DOCK3: variants seen among roughly 807,000 people sequenced by gnomAD.
The protein encoded by DOCK3 is dedicator of cytokinesis protein 3.
DOCK3 carries 60 observed loss-of-function variants against 265.6 expected under a neutral mutation model. The observed-to-expected ratio is 0.23, with a 90% CI of 0.18 to 0.28. The LOEUF (loss-of-function observed/expected upper bound fraction) is 0.28, where lower values mean the gene tolerates loss of function less well. Ranked by LOEUF, DOCK3 falls within the 10% of genes least tolerant of loss-of-function variation. The probability of loss-of-function intolerance (pLI) is 1.00; values close to 1 mark genes in which losing one functional copy is unlikely to be tolerated. For synonymous variants in DOCK3, 881 were observed against 938.0 expected (o/e 0.94, Z 1.11); for missense variants, 1,981 against 2,594.3 (o/e 0.76, Z 5.14).
chr3:50,878,390 TA>T (rs1203476542), intron 3 of DOCK3, among the ~76,000 whole-genome samples: 1 of 152,154 alleles, frequency 6.6e-6, no homozygotes, highest in Non-Finnish European at 1.5e-5. Context: ...GAAAAAAGAT[TA>T]GATGGGTGGC....
chr3:50,804,523 G>A (rs929873264), intron 2 of DOCK3, among the ~76,000 whole-genome samples: 7 of 152,168 alleles, frequency 4.6e-5, no homozygotes, highest in African/African-American at 9.6e-5. Flanking sequence ...GATCACTCAC[G>A]TTTAGGAGCT....
At chr3:51,174,864 C>T (rs1427604917) in intron 12 of DOCK3, among the ~76,000 whole-genome samples, 1 of 152,224 alleles carries the variant, frequency 6.6e-6, no homozygotes, top group African/African-American at 2.4e-5. Flanking sequence ...ACAATGGAGT[C>T]TGAAGTTGGT....
At position 50,925,791 on chromosome 3, in the gene DOCK3, A is replaced by G. The variant is rs898697040; in HGVS notation, c.219-8190A>G. 6.1e-5 allele frequency among the ~76,000 whole-genome samples: 9 copies of G among 146,416 alleles called. No homozygotes were observed. In the South Asian group the frequency reaches 1.5e-3, roughly 25 times the overall value. ...GTAAAACTGTTCTTAAAGTCATGGC[A>G]GTTCATTTCAGCAGCTACTAGGTAA... On this transcript the variant is annotated intron_variant, in intron 4 of 52. Coordinates refer to ENST00000266037, the MANE Select transcript of DOCK3 (RefSeq NM_004947.5).
intron 23 of DOCK3, among the ~76,000 whole-genome samples, chr3:51,267,312 T>A (rs7373699): frequency 1 from 152,138 of 152,268 alleles, 76,004 homozygotes; most frequent in Middle Eastern, 1. Flanking sequence ...CGATCCCATT[T>A]CTGGCTATAA....
chr3:51,362,471 G>A, intron 48 of DOCK3, 56 bp from the exon 49 acceptor site: 1 of 1,610,864 alleles, frequency 6.2e-7, no homozygotes, highest in South Asian at 1.1e-5. Context: ...CTCTGTGCCA[G>A]CCCTAAAGTC....
At chr3:50,903,297 TG>T (rs1390679140) in intron 4 of DOCK3, among the ~76,000 whole-genome samples, 3 of 152,212 alleles carry the variant, frequency 2.0e-5, no homozygotes, top group Non-Finnish European at 4.4e-5. Flanking sequence ...ATATTGGTTA[TG>T]GGTTTGTCCT....
intron 27 of DOCK3, among the ~76,000 whole-genome samples, chr3:51,285,345 C>T (rs930932068): frequency 6.6e-6 from 1 of 151,744 alleles, no homozygotes; most frequent in Non-Finnish European, 1.5e-5. Flanking sequence ...GTCCAGAAAC[C>T]AGCCCAAGTG....
At chr3:51,350,164 A>G in intron 39 of DOCK3, 124 bp from the exon 40 acceptor site, 3 of 792,820 alleles carry the variant, frequency 3.8e-6, no homozygotes, top group Non-Finnish European at 6.1e-6. Flanking sequence ...AGGCTCACTT[A>G]CTTCTTATCT....
intron 1 of DOCK3, among the ~76,000 whole-genome samples, chr3:50,743,460 A>T (rs540427117): frequency 6.7e-6 from 1 of 148,554 alleles, no homozygotes; most frequent in East Asian, 2.0e-4. Flanking sequence ...TCTCACGTGC[A>T]GAGACACACA....
rs530230612 is a variant in DOCK3, at chr3:50,888,477, C to T, written c.163-1549C>T. ...TTCAATGCCATCCTCATCAAGCTAC[C>T]AATGACTTTCTTCACAGAATTGGAA... On this transcript the variant is annotated intron_variant, in intron 3 of 52. Coordinates refer to ENST00000266037, the MANE Select transcript of DOCK3 (RefSeq NM_004947.5). 2.2e-4 allele frequency among the ~76,000 whole-genome samples: 33 copies of T among 152,272 alleles called. 1 individual carries two copies. Among genetic ancestry groups the T allele is most frequent in the African/African-American group, 7.0e-4 (29 of 41,556 alleles).
intron 3 of DOCK3, among the ~76,000 whole-genome samples, chr3:50,843,597 A>G (rs2045941521): frequency 1.3e-5 from 2 of 152,214 alleles, no homozygotes; most frequent in African/African-American, 4.8e-5. Context: ...GACAAGCTGT[A>G]CAAAATGAGG....
chr3:50,978,679 G>C (rs1378293760), intron 5 of DOCK3, among the ~76,000 whole-genome samples: 1 of 152,174 alleles, frequency 6.6e-6, no homozygotes, highest in African/African-American at 2.4e-5. Context: ...CCACCCAGTT[G>C]GAGCTTCTTG....
At position 51,314,855 on chromosome 3, in the gene DOCK3, G is replaced by A. The variant is rs180775114; in HGVS notation, c.3254-125G>A. ...AGGGAGAGTACCTCAGAAAACCATA[G>A]GGGAGAGCTTGTTTTGCTCTCAGAA... is the stretch of plus-strand genomic sequence containing the variant. On this transcript the variant is annotated intron_variant, in intron 31 of 52. Coordinates refer to ENST00000266037, the MANE Select transcript of DOCK3 (RefSeq NM_004947.5). 7.1e-4 allele frequency: 844 copies of A among 1,188,124 alleles called. 4 individuals carry two copies. The highest frequency in any genetic ancestry group is 3.0e-3 in the East Asian group (99 of 32,964). 73.6% of individuals were successfully genotyped at this position (1,188,124 alleles called of 1,614,324 possible).
chr3:50,873,168 G>A (rs757625060), intron 3 of DOCK3, among the ~76,000 whole-genome samples: 41 of 152,182 alleles, frequency 2.7e-4, no homozygotes, highest in Non-Finnish European at 5.0e-4. Context: ...GCAAGTCTCA[G>A]ATTCTCACCC....
intron 10 of DOCK3, among the ~76,000 whole-genome samples, chr3:51,150,255 T>A (rs1375467571): frequency 7.2e-5 from 11 of 152,122 alleles, no homozygotes; most frequent in Non-Finnish European, 1.5e-4. Flanking sequence ...TGCTAGCGGT[T>A]TATCAATTTT....
chr3:51,035,923 C>G (rs1161081845), intron 5 of DOCK3, among the ~76,000 whole-genome samples: 5 of 152,112 alleles, frequency 3.3e-5, no homozygotes, highest in African/African-American at 7.2e-5. Context: ...AGGCTTTCTC[C>G]TTTTTAGTAT....
intron 5 of DOCK3, among the ~76,000 whole-genome samples, chr3:50,943,415 A>G (rs778426352): frequency 6.6e-6 from 1 of 152,160 alleles, no homozygotes; most frequent in African/African-American, 2.4e-5. Flanking sequence ...AAAAATTTAA[A>G]TAGTACGTTA....
chr3:50,861,158 CTA>C (rs2046890491), intron 3 of DOCK3, among the ~76,000 whole-genome samples: 1 of 152,048 alleles, frequency 6.6e-6, no homozygotes, highest in Admixed American at 6.5e-5. Flanking sequence ...TCTCCTGGCT[CTA>C]TGTTGCTCCC....
intron 5 of DOCK3, among the ~76,000 whole-genome samples, chr3:50,957,908 C>T (rs1432308901): frequency 6.6e-6 from 1 of 152,010 alleles, no homozygotes; most frequent in African/African-American, 2.4e-5. Context: ...CCACAATTTC[C>T]CTAGTTTATT....
Sources: gnomAD v4.1 joint callset for allele counts (sites outside exome capture counted in the v4.1 genomes callset) on GRCh38, gnomAD v4.1.1 for gene constraint, MANE v1.5 for transcripts, NCBI Gene and HGNC (gene_info 2026-07-23, HGNC 2026-07-21) for gene names.